VWC2: variants seen among roughly 807,000 people sequenced by gnomAD.
The protein encoded by VWC2 is von Willebrand factor C domain containing 2.
A neutral mutation model predicts 29.8 loss-of-function variants in VWC2; 14 were observed. That is an observed-to-expected ratio of 0.47 (90% confidence interval 0.31 to 0.74). VWC2 has a LOEUF of 0.74. Among genes scored for constraint, VWC2 ranks in the 30% least tolerant of loss-of-function variants. VWC2 has a pLI of 0.05. For synonymous variants in VWC2, 213 were observed against 199.0 expected (o/e 1.07, Z -0.59); for missense variants, 457 against 459.8 (o/e 0.99, Z 0.05).
At chr7:49,858,516 G>C (rs979890802) in intron 3 of VWC2, among the ~76,000 whole-genome samples, 7 of 146,600 alleles carry the variant, frequency 4.8e-5, no homozygotes, top group Non-Finnish European at 1.0e-4. Context: ...GACAACACAC[G>C]GACACAGGAA....
At chr7:49,775,137 A>T (rs1788021343) in intron 1 of VWC2, among the ~76,000 whole-genome samples, 196 bp from the exon 2 acceptor site, 2 of 152,038 alleles carry the variant, frequency 1.3e-5, no homozygotes, top group African/African-American at 4.8e-5. Flanking sequence ...TCGTTCTTGG[A>T]TTTCGCTTCC....
In VWC2 at chr7:49,915,330, A is replaced by C. The variant is rs1257113661; in HGVS notation, c.*3145A>C. 1 of 152,170 alleles carries C rather than the reference A, an allele frequency of 6.6e-6. No homozygotes were observed. The highest frequency in any genetic ancestry group is 1.5e-5 in the Non-Finnish European group (1 of 68,030). 9.4% of individuals were successfully genotyped at this position (152,170 alleles called of 1,614,324 possible). The stretch of plus-strand genomic sequence containing the variant: ...CATCAAGGGGTCTGTAAGCCTTGAA[A>C]CTAATTTAGGTTTGATTATAATACT... On this transcript the variant is annotated 3_prime_UTR_variant, in exon 4 of 4. Coordinates refer to ENST00000340652, the MANE Select transcript of VWC2 (RefSeq NM_198570.5).
intron 3 of VWC2, among the ~76,000 whole-genome samples, chr7:49,887,692 C>A (rs1445737969): frequency 1.3e-5 from 2 of 148,552 alleles, no homozygotes; most frequent in Non-Finnish European, 2.9e-5. Context: ...CAGAGAGGTT[C>A]ATCCCGGGGC....
At chr7:49,780,037 G>A (rs962543713) in intron 2 of VWC2, among the ~76,000 whole-genome samples, 4 of 152,208 alleles carry the variant, frequency 2.6e-5, no homozygotes, top group African/African-American at 9.7e-5. Flanking sequence ...GAAGCACACA[G>A]GTTAGCCCAA....
chr7:49,800,265 T>C (rs1219614176), intron 2 of VWC2, among the ~76,000 whole-genome samples: 1 of 152,226 alleles, frequency 6.6e-6, no homozygotes, highest in Non-Finnish European at 1.5e-5. Context: ...TGGACGAGGC[T>C]GATTCAGCGC....
chr7:49,777,474 C>A lies in VWC2; in HGVS notation c.696+1343C>A, dbSNP rs536828409. The stretch of plus-strand genomic sequence containing the variant: ...TATTCATTCTGGCTTTACCACTAAC[C>A]AGCTGCAGGACTGGAACAAAAGACA... On this transcript the variant is annotated intron_variant, in intron 2 of 3. Transcript: ENST00000340652. Among the ~76,000 whole-genome samples the A allele has an allele frequency of 2.0e-5, 3 of 152,290 alleles. No homozygotes were observed. The East Asian group carries it at 5.8e-4, about 29-fold the overall frequency.
At chr7:49,856,684 C>T (rs1790429336) in intron 3 of VWC2, among the ~76,000 whole-genome samples, 1 of 152,124 alleles carries the variant, frequency 6.6e-6, no homozygotes, top group Admixed American at 6.6e-5. Context: ...ATATCCATCA[C>T]CTCCAAAAGT....
intron 3 of VWC2, among the ~76,000 whole-genome samples, chr7:49,908,428 C>T (rs930959770): frequency 6.6e-6 from 1 of 152,012 alleles, no homozygotes; most frequent in Non-Finnish European, 1.5e-5. Context: ...AATCTAAATA[C>T]AACAGGATAA....
At chr7:49,907,680 T>A (rs6583396) in intron 3 of VWC2, among the ~76,000 whole-genome samples, 112,062 of 152,138 alleles carry the variant, frequency 0.74, 41,485 homozygotes, top group East Asian at 0.89. Flanking sequence ...AATCAATACA[T>A]GTAATGTATA....
Position 49,898,325 on chromosome 7 carries a change from A to T in VWC2, c.827-13709A>T, listed in dbSNP as rs536098938. Among the ~76,000 whole-genome samples the T allele has an allele frequency of 2.0e-3, 293 of 148,968 alleles. 3 individuals are homozygous for T. The highest frequency in any genetic ancestry group is 6.5e-3 in the African/African-American group (265 of 40,976). On this transcript the variant is annotated intron_variant, in intron 3 of 3. Transcript: ENST00000340652. ...AGAAAACATCGAAGTTTTTTTTTTT[A>T]AAAAAACCTTCACTTATTCTTTCTA...
intron 3 of VWC2, among the ~76,000 whole-genome samples, chr7:49,806,975 T>C (rs1788892700): frequency 6.6e-6 from 1 of 152,218 alleles, no homozygotes. Flanking sequence ...GCAAGATCAG[T>C]GTTTGAAAAT....
intron 3 of VWC2, among the ~76,000 whole-genome samples, chr7:49,835,629 C>G (rs1789638783): frequency 6.6e-6 from 1 of 152,018 alleles, no homozygotes; most frequent in Admixed American, 6.6e-5. Context: ...AAACTTGGAG[C>G]CTATGAAGAA....
chr7:49,886,620 A>G (rs1791913006), intron 3 of VWC2, among the ~76,000 whole-genome samples: 1 of 152,112 alleles, frequency 6.6e-6, no homozygotes, highest in Admixed American at 6.6e-5. Flanking sequence ...CTTTTACTTT[A>G]GGTTCAGGGG....
At chr7:49,910,062 T>C (rs1353372648) in intron 3 of VWC2, among the ~76,000 whole-genome samples, 1 of 151,932 alleles carries the variant, frequency 6.6e-6, no homozygotes, top group Non-Finnish European at 1.5e-5. Flanking sequence ...CAGTGAGCCA[T>C]GATCATGCCA....
intron 2 of VWC2, among the ~76,000 whole-genome samples, chr7:49,786,128 G>A (rs1788289319): frequency 6.6e-6 from 1 of 152,084 alleles, no homozygotes; most frequent in African/African-American, 2.4e-5. Flanking sequence ...TTCAACCCTT[G>A]CCCACCTCCC....
chr7:49,781,849 G>A (rs1788185576), intron 2 of VWC2, among the ~76,000 whole-genome samples: 1 of 152,132 alleles, frequency 6.6e-6, no homozygotes, highest in Non-Finnish European at 1.5e-5. Context: ...TCCTTCAAAG[G>A]ATGAAGTCTT....
chr7:49,872,134 T>A (rs1042438235), intron 3 of VWC2, among the ~76,000 whole-genome samples: 6 of 152,044 alleles, frequency 3.9e-5, no homozygotes, highest in African/African-American at 1.4e-4. Flanking sequence ...TGGAAAGCAA[T>A]TAAAAATATC....
chr7:49,836,246 G>A (rs965201437), intron 3 of VWC2, among the ~76,000 whole-genome samples: 1 of 152,102 alleles, frequency 6.6e-6, no homozygotes, highest in Non-Finnish European at 1.5e-5. Flanking sequence ...TGAACTAAGA[G>A]ATAAATGTGT....
intron 1 of VWC2, among the ~76,000 whole-genome samples, chr7:49,775,013 C>T (rs954267382): frequency 2.6e-5 from 4 of 152,308 alleles, no homozygotes; most frequent in Admixed American, 2.0e-4. Context: ...TGGTTCAAGG[C>T]AGAGCTTTGC....
Sources: gnomAD v4.1 joint callset for allele counts (sites outside exome capture counted in the v4.1 genomes callset) on GRCh38, gnomAD v4.1.1 for gene constraint, MANE v1.5 for transcripts, NCBI Gene and HGNC (gene_info 2026-07-23, HGNC 2026-07-21) for gene names.